DLGAP2: variants seen among roughly 807,000 people sequenced by gnomAD.
DLGAP2 encodes DLG associated protein 2, also known as disks large-associated protein 2.
In DLGAP2, 26 loss-of-function variants were observed where a neutral mutation model predicts 100.3. The ratio of observed to expected loss-of-function variants is 0.26; its 90% confidence interval spans 0.19 to 0.36. The LOEUF (loss-of-function observed/expected upper bound fraction) is 0.36, where lower values mean the gene tolerates loss of function less well. Ranked by LOEUF, DLGAP2 falls within the 10% of genes least tolerant of loss-of-function variation. DLGAP2 has a pLI of 1.00. For synonymous variants in DLGAP2, 886 were observed against 630.1 expected (o/e 1.41, Z -6.08); for missense variants, 1,858 against 1,453.2 (o/e 1.28, Z -4.53).
In DLGAP2 at chr8:1,678,433, A is replaced by C. The variant is rs1013890611; in HGVS notation, c.2508A>C (p.Gln836His). 4.3e-6 allele frequency: 7 copies of C among 1,613,578 alleles called. No individual in the cohort carries two copies. In the African/African-American group the frequency reaches 6.7e-5, roughly 15 times the overall value. ...GCTATAGAGAAGACTATCGGACCCA[A>C]GTGGACACCTCCACCCTGCCCCCTC... ...LFSYREDYRTQVDTSTLPPPD... is the reference protein window; with the variant it reads ...LFSYREDYRTHVDTSTLPPPD... The change falls in exon 12 of 15, where the codon CAA (glutamine) becomes CAC (histidine). Residue 836 changes from glutamine (Q) to histidine (H), a missense_variant. Gln to His is a conservative substitution (Grantham distance 24). Transcript: ENST00000637795.
chr8:880,516 G>A (rs1054607835), intron 1 of DLGAP2, among the ~76,000 whole-genome samples: 6 of 146,210 alleles, frequency 4.1e-5, no homozygotes, highest in South Asian at 2.2e-4. Flanking sequence ...CGGGGTGACC[G>A]TCCAGTGTGT....
intron 2 of DLGAP2, among the ~76,000 whole-genome samples, chr8:1,233,604 C>T (rs75493736): frequency 0.059 from 8,907 of 152,174 alleles, 549 homozygotes; most frequent in African/African-American, 0.15. Flanking sequence ...AACTCAGTCT[C>T]GGAGCTGCCC....
chr8:1,606,010 T>C (rs1282458674), intron 6 of DLGAP2, among the ~76,000 whole-genome samples: 2 of 152,200 alleles, frequency 1.3e-5, no homozygotes, highest in African/African-American at 2.4e-5. Flanking sequence ...CAGAGAATCA[T>C]AACCAGCACC....
chr8:1,384,650 C>A, intron 3 of DLGAP2, among the ~76,000 whole-genome samples: 1 of 134,872 alleles, frequency 7.4e-6, no homozygotes, highest in South Asian at 2.7e-4. Context: ...CCCCTGAGAA[C>A]TTGATGCACA....
At position 1,164,837 on chromosome 8, in the gene DLGAP2, C is replaced by G. The variant is rs1024424269; in HGVS notation, c.74-94014C>G. Among the ~76,000 whole-genome samples, 13 of 152,004 alleles carry G rather than the reference C, an allele frequency of 8.6e-5. No individual in the cohort carries two copies. The East Asian group carries it at 2.5e-3, about 29-fold the overall frequency. ...GTGTGACAGTGAGAATACCAGGTCCCTTTGTCAGCGTTGCTGAGACAGCTC... is the reference window on the plus strand; with the variant it reads ...GTGTGACAGTGAGAATACCAGGTCCGTTTGTCAGCGTTGCTGAGACAGCTC... On this transcript the variant is annotated intron_variant, in intron 2 of 14. Transcript: ENST00000637795.
At chr8:1,677,235 A>C (rs1798832120) in intron 11 of DLGAP2, among the ~76,000 whole-genome samples, 1 of 152,124 alleles carries the variant, frequency 6.6e-6, no homozygotes, top group African/African-American at 2.4e-5. Context: ...GGAGCGTTTT[A>C]GCACCCACCC....
intron 2 of DLGAP2, among the ~76,000 whole-genome samples, chr8:1,108,574 G>T (rs1193742736): frequency 6.7e-6 from 1 of 148,576 alleles, no homozygotes; most frequent in Non-Finnish European, 1.5e-5. Context: ...GGTCTGTGAG[G>T]TGTGCACGGG....
At chr8:1,173,879 C>A (rs879866992) in intron 2 of DLGAP2, among the ~76,000 whole-genome samples, 3 of 152,222 alleles carry the variant, frequency 2.0e-5, no homozygotes, top group Non-Finnish European at 4.4e-5. Flanking sequence ...GCACGGTGCA[C>A]GCACCCACTG....
chr8:1,069,760 C>T (rs780800959), intron 2 of DLGAP2, among the ~76,000 whole-genome samples: 5 of 152,154 alleles, frequency 3.3e-5, no homozygotes, highest in Non-Finnish European at 4.4e-5. Flanking sequence ...GCTTGGAATT[C>T]AACATCATGT....
At chr8:912,654 C>T (rs573921479) in intron 2 of DLGAP2, among the ~76,000 whole-genome samples, 4 of 146,124 alleles carry the variant, frequency 2.7e-5, no homozygotes, top group Non-Finnish European at 6.1e-5. Context: ...CCCCACACCA[C>T]AGTGTCCATC....
intron 6 of DLGAP2, among the ~76,000 whole-genome samples, chr8:1,574,469 C>T (rs192847276): frequency 6.6e-5 from 10 of 152,270 alleles, no homozygotes; most frequent in East Asian, 1.9e-4. Context: ...CAGTTTTACG[C>T]GGCTAAACCA....
At chr8:1,146,912 C>A (rs1435178522) in intron 2 of DLGAP2, among the ~76,000 whole-genome samples, 4 of 152,226 alleles carry the variant, frequency 2.6e-5, no homozygotes, top group Non-Finnish European at 1.5e-5. Flanking sequence ...ATTTTTATTG[C>A]CGGATCTTGC....
intron 3 of DLGAP2, among the ~76,000 whole-genome samples, chr8:1,391,894 C>T (rs2129815179): frequency 1.3e-5 from 2 of 152,386 alleles, no homozygotes; most frequent in South Asian, 4.1e-4. Flanking sequence ...CTTGTGCGTC[C>T]ACCTTGGACA....
chr8:1,297,518 ACACCACG>A (rs1800212861), intron 3 of DLGAP2, among the ~76,000 whole-genome samples: 2 of 146,310 alleles, frequency 1.4e-5, no homozygotes, highest in Admixed American at 6.8e-5. Flanking sequence ...GCATGAACAG[ACACCACG>A]TGAGACAGGG....
chr8:1,408,811 C>T (rs1273441176), intron 3 of DLGAP2, among the ~76,000 whole-genome samples: 3 of 151,988 alleles, frequency 2.0e-5, no homozygotes, highest in Non-Finnish European at 4.4e-5. Context: ...ACTTTCACTG[C>T]GTTAACAGGA....
intron 4 of DLGAP2, among the ~76,000 whole-genome samples, chr8:1,542,892 T>C (rs993430009): frequency 6.6e-6 from 1 of 152,172 alleles, no homozygotes; most frequent in Admixed American, 6.5e-5. Flanking sequence ...TGTGTCCTTT[T>C]CCCTCTGTCC....
chr8:1,058,720 A>G (rs1345118434), intron 2 of DLGAP2, among the ~76,000 whole-genome samples: 1 of 152,216 alleles, frequency 6.6e-6, no homozygotes, highest in Non-Finnish European at 1.5e-5. Context: ...CTCTTAAGAC[A>G]GATTGGCCTT....
At chr8:819,228 A>G (rs537422206) in intron 1 of DLGAP2, among the ~76,000 whole-genome samples, 1 of 152,368 alleles carries the variant, frequency 6.6e-6, no homozygotes, top group East Asian at 1.9e-4. Flanking sequence ...TAATAATAGT[A>G]TCCCTATGTA....
intron 1 of DLGAP2, among the ~76,000 whole-genome samples, chr8:876,614 A>C (rs1429573636): frequency 6.6e-5 from 10 of 151,388 alleles, no homozygotes; most frequent in Admixed American, 6.6e-4. Flanking sequence ...TCTGTTTGTA[A>C]CTCTCTTTGC....
Sources: allele counts gnomAD v4.1 joint callset (sites outside exome capture counted in the v4.1 genomes callset), GRCh38; gene constraint gnomAD v4.1.1; transcripts MANE v1.5; gene names NCBI Gene and HGNC (gene_info 2026-07-23, HGNC 2026-07-21).